Variants in TRIM5 observed in about 807,000 individuals in gnomAD.
TRIM5 encodes tripartite motif containing 5.
TRIM5 carries 31 observed loss-of-function variants against 35.6 expected under a neutral mutation model. The ratio of observed to expected loss-of-function variants is 0.87; its 90% confidence interval spans 0.65 to 1.18. The LOEUF (loss-of-function observed/expected upper bound fraction) is 1.18, where lower values mean the gene tolerates loss of function less well. TRIM5 is among the 50% of genes most tolerant of loss of function. The pLI is 0.00. For missense variants in TRIM5, 609 were observed against 591.6 expected (o/e 1.03, Z -0.31); for synonymous variants, 243 against 215.6 (o/e 1.13, Z -1.11).
chr11:5,681,034 G>A (rs1852399125), intron 1 of TRIM5, among the ~76,000 whole-genome samples: 1 of 152,190 alleles, frequency 6.6e-6, no homozygotes, highest in Non-Finnish European at 1.5e-5. Flanking sequence ...GGGAGGTTCT[G>A]AGGAGTCTCA....
At chr11:5,668,115 T>TA (rs1281586310) in intron 4 of TRIM5, among the ~76,000 whole-genome samples, 2 of 151,094 alleles carry the variant, frequency 1.3e-5, no homozygotes, top group South Asian at 2.1e-4. Flanking sequence ...AAAAATAAAA[T>TA]AAAAAAAAAT....
intron 4 of TRIM5, among the ~76,000 whole-genome samples, chr11:5,670,806 C>G (rs1429846477): frequency 6.6e-6 from 1 of 150,380 alleles, no homozygotes; most frequent in Admixed American, 6.6e-5. Context: ...TAGGATCCTA[C>G]ACTTAAAAAT....
At chr11:5,678,146 A>G (rs766664466) in intron 4 of TRIM5, 58 bp downstream of exon 4, 3 of 1,450,802 alleles carry the variant, frequency 2.1e-6, no homozygotes, top group South Asian at 2.6e-5. Flanking sequence ...AACGCAGAGA[A>G]GGAAATAGCC....
chr11:5,663,699 T>A lies in TRIM5; in HGVS notation c.*1110A>T. On this transcript the variant is annotated 3_prime_UTR_variant, in exon 8 of 8. Transcript: ENST00000380034. ...ACAGTGTGATGTTTTGATACATGTA[T>A]ACATTGCGTAATAACCGAACCAGGG... 3.9e-6 allele frequency: 2 copies of A among 507,890 alleles called. No individual in the cohort carries two copies. Among genetic ancestry groups the A allele is most frequent in the Non-Finnish European group, 5.1e-6 (2 of 393,482 alleles). The allele number at this position is 507,890 out of a possible 1,614,324, so 31.5% of individuals were successfully genotyped here.
At chr11:5,604,947 A>G in the TRIM5 span, 52 of 445,136 alleles carry the variant, frequency 1.2e-4, no homozygotes, top group Non-Finnish European at 2.0e-4. Flanking sequence ...TACAAATGCA[A>G]GGGAAAATGC....
At chr11:5,610,664 C>G in the TRIM5 span, 36 of 1,563,974 alleles carry the variant, frequency 2.3e-5, 1 homozygote, top group African/African-American at 3.4e-4. Flanking sequence ...ATGCCTCCCC[C>G]ATCCCCGCCA....
At chr11:5,642,437 A>G in the TRIM5 span, 1 of 1,613,624 alleles carries the variant, frequency 6.2e-7, no homozygotes, top group Non-Finnish European at 8.5e-7. Context: ...AAAGCCAAAA[A>G]TGGTTTCCAA....
At position 5,663,675 on chromosome 11, in the gene TRIM5, C is replaced by T. The variant is rs55981807; in HGVS notation, c.*1134G>A. On this transcript the variant is annotated 3_prime_UTR_variant, in exon 8 of 8. Coordinates refer to ENST00000380034, the MANE Select transcript of TRIM5 (RefSeq NM_033034.3). Reference sequence around the variant, plus strand: ...AATAAATATACATATTTATGTGGTACAGTGTGATGTTTTGATACATGTATA... The same window carrying T: ...AATAAATATACATATTTATGTGGTATAGTGTGATGTTTTGATACATGTATA... 2.7e-3 allele frequency: 1,901 copies of T among 712,522 alleles called. 27 individuals are homozygous for T. In the African/African-American group the frequency reaches 0.031, roughly 12 times the overall value. The allele number at this position is 712,522 out of a possible 1,614,324, so 44.1% of individuals were successfully genotyped here. A position where few individuals can be genotyped will look rare whatever the true frequency, so the allele number is the denominator to read the frequency against.
the TRIM5 span, among the ~76,000 whole-genome samples, chr11:5,652,624 A>G: frequency 1.3e-5 from 2 of 152,134 alleles, no homozygotes; most frequent in Admixed American, 6.5e-5. Flanking sequence ...TTCTTTTTGC[A>G]TTCTAATTCC....
intron 4 of TRIM5, among the ~76,000 whole-genome samples, chr11:5,669,715 G>A: frequency 6.6e-6 from 1 of 152,180 alleles, no homozygotes; most frequent in East Asian, 1.9e-4. Context: ...TCTGGTCTAT[G>A]GGCTGGGCGC....
At chr11:5,605,086 T>A in the TRIM5 span, 2 of 543,396 alleles carry the variant, frequency 3.7e-6, no homozygotes, top group African/African-American at 1.9e-5. Flanking sequence ...AATCTAAACG[T>A]CACCCAGGAA....
the TRIM5 span, chr11:5,610,913 C>G: frequency 6.2e-7 from 1 of 1,614,180 alleles, no homozygotes; most frequent in East Asian, 2.2e-5. Context: ...GTGTCCTGGG[C>G]TCCCAGCACT....
chr11:5,612,586 C>T, the TRIM5 span: 3 of 152,196 alleles, frequency 2.0e-5, no homozygotes, highest in Non-Finnish European at 4.4e-5. Context: ...CTTTTCCACA[C>T]TCTCTTTATG....
At chr11:5,601,648 C>G in the TRIM5 span, among the ~76,000 whole-genome samples, 1 of 152,146 alleles carries the variant, frequency 6.6e-6, no homozygotes, top group Non-Finnish European at 1.5e-5. Context: ...ATCCCAGCTA[C>G]TCAGGAGGCT....
the TRIM5 span, chr11:5,605,414 A>G: frequency 1.2e-6 from 2 of 1,614,198 alleles, no homozygotes; most frequent in Middle Eastern, 3.3e-4. Flanking sequence ...GAGTGGAGCA[A>G]CGGGAGCTGA....
intron 4 of TRIM5, 109 bp downstream of exon 4, chr11:5,678,095 G>T (rs146712155): frequency 2.4e-6 from 2 of 836,814 alleles, no homozygotes; most frequent in South Asian, 2.6e-5. Context: ...TCAGAAAAGC[G>T]GTCCTGCAGA....
chr11:5,610,137 C>G, the TRIM5 span: 16 of 1,613,810 alleles, frequency 9.9e-6, no homozygotes, highest in African/African-American at 1.3e-5. Context: ...AAGTCCTGTC[C>G]TTTCTAGGAG....
chr11:5,634,530 C>CACACACACACAT, the TRIM5 span: 4 of 261,984 alleles, frequency 1.5e-5, no homozygotes, highest in African/African-American at 9.9e-5. Context: ...CACACACACA[C>CACACACACACAT]ATATATATAT....
chr11:5,669,003 A>G (rs887184029), intron 4 of TRIM5, among the ~76,000 whole-genome samples: 2 of 151,758 alleles, frequency 1.3e-5, no homozygotes, highest in African/African-American at 4.9e-5. Flanking sequence ...AATATTACTA[A>G]TATCTACTCA....
Sources: gnomAD v4.1 joint callset for allele counts (sites outside exome capture counted in the v4.1 genomes callset) on GRCh38, gnomAD v4.1.1 for gene constraint, MANE v1.5 for transcripts, NCBI Gene and HGNC (gene_info 2026-07-23, HGNC 2026-07-21) for gene names.